STK32B: variants seen among roughly 807,000 people sequenced by gnomAD.
STK32B encodes serine/threonine-protein kinase 32B.
In STK32B, 43 loss-of-function variants were observed where a neutral mutation model predicts 52.6. That is an observed-to-expected ratio of 0.82 (90% CI 0.64 to 1.05). The LOEUF (loss-of-function observed/expected upper bound fraction) is 1.05. Ranked by LOEUF, STK32B falls within the 50% of genes least tolerant of loss-of-function variation. STK32B has a pLI of 0.00. For synonymous variants in STK32B, 238 were observed against 204.3 expected, an observed-to-expected ratio of 1.17 and a Z score of -1.41; for missense variants, 621 against 534.6, an observed-to-expected ratio of 1.16 and a Z score of -1.59.
intron 3 of STK32B, among the ~76,000 whole-genome samples, chr4:5,296,786 G>A (rs1255075626): frequency 6.6e-6 from 1 of 152,158 alleles, no homozygotes; most frequent in African/African-American, 2.4e-5. Flanking sequence ...ATTGTTACGT[G>A]TGAATTTGAT....
At chr4:5,323,877 A>G (rs951668789) in intron 3 of STK32B, among the ~76,000 whole-genome samples, 1 of 152,200 alleles carries the variant, frequency 6.6e-6, no homozygotes, top group Non-Finnish European at 1.5e-5. Flanking sequence ...TAGGGCATCA[A>G]GCACAGAGTC....
At chr4:5,484,823 T>G (rs931262112) in intron 11 of STK32B, among the ~76,000 whole-genome samples, 5 of 152,160 alleles carry the variant, frequency 3.3e-5, no homozygotes, top group African/African-American at 7.2e-5. Flanking sequence ...GTCTGTAAAG[T>G]ATTTTATTTC....
At chr4:5,434,452 G>GTATA (rs1182103278) in intron 6 of STK32B, among the ~76,000 whole-genome samples, 12,874 of 142,590 alleles carry the variant, frequency 0.09, 752 homozygotes, top group East Asian at 0.25. Flanking sequence ...GTGTGTGTGT[G>GTATA]TGTATATATA....
At chr4:5,168,553 G>A in intron 3 of STK32B, 103 bp downstream of exon 3, 4 of 1,364,512 alleles carry the variant, frequency 2.9e-6, no homozygotes, top group Non-Finnish European at 3.9e-6. Context: ...AAGGGAAAGG[G>A]ATGCAATTTT....
In STK32B at chr4:5,220,281, C is replaced by T. The variant is rs1298463376; in HGVS notation, c.260+51831C>T. ...TGGCTTTGTGCCAGGCACGATGATA[C>T]ATACTAGTAGTATAAAGACCAGAAG... On this transcript the variant is annotated intron_variant, in intron 3 of 11. Coordinates refer to ENST00000282908, the MANE Select transcript of STK32B (RefSeq NM_018401.3). Among the ~76,000 whole-genome samples, 3 of 152,304 alleles carry T rather than the reference C, an allele frequency of 2.0e-5. No homozygotes were observed. The East Asian group carries it at 5.8e-4, about 29-fold the overall frequency.
intron 3 of STK32B, among the ~76,000 whole-genome samples, chr4:5,323,840 G>C (rs1337240787): frequency 6.6e-6 from 1 of 152,144 alleles, no homozygotes; most frequent in East Asian, 1.9e-4. Flanking sequence ...GAAGAGCAAT[G>C]GTGACTTGGC....
chr4:5,350,376 C>T lies in STK32B; in HGVS notation c.434+18983C>T, dbSNP rs978349467. Among the ~76,000 whole-genome samples the T allele has an allele frequency of 5.1e-4, 78 of 152,180 alleles. 1 individual carries two copies. The highest frequency in any genetic ancestry group is 1.8e-3 in the African/African-American group (75 of 41,530). ...CAGACAAGCAAAAGCTGAGATAATTCATCAGCATTAGACCAGCCCTACAAG... is the reference window on the plus strand; with the variant it reads ...CAGACAAGCAAAAGCTGAGATAATTTATCAGCATTAGACCAGCCCTACAAG... On this transcript the variant is annotated intron_variant, in intron 4 of 11. Coordinates refer to ENST00000282908, the MANE Select transcript of STK32B (RefSeq NM_018401.3).
intron 1 of STK32B, among the ~76,000 whole-genome samples, chr4:5,109,131 C>A (rs530088260): frequency 5.1e-4 from 77 of 152,300 alleles, no homozygotes; most frequent in African/African-American, 1.8e-3. Context: ...AGCAACAAAA[C>A]TATGTGCTTT....
intron 1 of STK32B, among the ~76,000 whole-genome samples, chr4:5,086,071 A>G (rs1031664048): frequency 2.0e-5 from 3 of 152,174 alleles, no homozygotes; most frequent in Non-Finnish European, 2.9e-5. Context: ...GAAGTGATAG[A>G]TAATAGTTGG....
At chr4:5,260,088 C>A (rs1030488479) in intron 3 of STK32B, among the ~76,000 whole-genome samples, 5 of 152,084 alleles carry the variant, frequency 3.3e-5, no homozygotes, top group African/African-American at 1.2e-4. Flanking sequence ...TACACACACA[C>A]ACACGCACAC....
At chr4:5,317,041 T>TTA (rs369771677) in intron 3 of STK32B, among the ~76,000 whole-genome samples, 2 of 23,644 alleles carry the variant, frequency 8.5e-5, no homozygotes, top group East Asian at 4.5e-3. Context: ...ATATAATATA[T>TTA]TATATATATA....
intron 3 of STK32B, among the ~76,000 whole-genome samples, chr4:5,286,717 G>C (rs111388505): frequency 2.2e-4 from 32 of 147,630 alleles, no homozygotes; most frequent in African/African-American, 7.3e-4. Flanking sequence ...AAATAGGACT[G>C]TTTTTGCATT....
At position 5,183,061 on chromosome 4, in the gene STK32B, T is replaced by C. The variant is rs1015557747; in HGVS notation, c.260+14611T>C. Reference sequence around the variant, plus strand: ...TTCCATTTATAGAATACAAGCAGAATAGATTTAGCAAAATTCTTAAGGACC... The same window carrying C: ...TTCCATTTATAGAATACAAGCAGAACAGATTTAGCAAAATTCTTAAGGACC... On this transcript the variant is annotated intron_variant, in intron 3 of 11. Coordinates refer to ENST00000282908, the MANE Select transcript of STK32B (RefSeq NM_018401.3). 8.5e-5 allele frequency among the ~76,000 whole-genome samples: 13 copies of C among 152,188 alleles called. No individual in the cohort carries two copies. In the East Asian group the frequency reaches 2.3e-3, roughly 27 times the overall value.
intron 3 of STK32B, among the ~76,000 whole-genome samples, chr4:5,191,222 G>T (rs527746753): frequency 6.6e-6 from 1 of 151,906 alleles, no homozygotes; most frequent in Non-Finnish European, 1.5e-5. Context: ...TTGAGTTTGT[G>T]GACCAGGCCT....
At chr4:5,385,930 ACCCACAGCCCCCAC>A (rs1736222286) in intron 4 of STK32B, among the ~76,000 whole-genome samples, 1 of 8,580 alleles carries the variant, frequency 1.2e-4, no homozygotes, top group African/African-American at 1.1e-3. Flanking sequence ...CCACAGCCCC[ACCCACAGCCCCCAC>A]TCACAGCTCC....
chr4:5,246,139 G>A (rs149544124), intron 3 of STK32B, among the ~76,000 whole-genome samples: 10,989 of 152,222 alleles, frequency 0.072, 574 homozygotes, highest in African/African-American at 0.15. Context: ...GATTGGGGAA[G>A]TTCTCTTGGA....
At chr4:5,196,672 G>A (rs189417656) in intron 3 of STK32B, among the ~76,000 whole-genome samples, 3,833 of 151,866 alleles carry the variant, frequency 0.025, 156 homozygotes, top group African/African-American at 0.087. Context: ...AGTGAGCTGA[G>A]ATCGTGCCAC....
intron 1 of STK32B, among the ~76,000 whole-genome samples, chr4:5,128,660 C>T (rs916992244): frequency 1.3e-5 from 2 of 152,206 alleles, no homozygotes; most frequent in South Asian, 2.1e-4. Flanking sequence ...CTGTCTACTT[C>T]GTACCAGGCA....
intron 4 of STK32B, among the ~76,000 whole-genome samples, chr4:5,339,555 C>T (rs1186344885): frequency 6.6e-6 from 1 of 152,120 alleles, no homozygotes; most frequent in African/African-American, 2.4e-5. Flanking sequence ...ATTTATGAAT[C>T]CTCCACTGCG....
Sources: allele counts gnomAD v4.1 joint callset (sites outside exome capture counted in the v4.1 genomes callset), GRCh38; gene constraint gnomAD v4.1.1; transcripts MANE v1.5; gene names NCBI Gene and HGNC (gene_info 2026-07-23, HGNC 2026-07-21).